Variants in METTL25 observed in about 807,000 individuals in gnomAD.
METTL25 encodes the protein probable methyltransferase-like protein 25.
Under a neutral mutation model 71.6 loss-of-function variants are expected in METTL25, and 64 were observed. The observed-to-expected ratio is 0.89, with a 90% CI of 0.73 to 1.10. METTL25 has a LOEUF of 1.10. Ranked by LOEUF, METTL25 falls within the 50% of genes least tolerant of loss-of-function variation. METTL25 has a pLI of 0.00. For synonymous variants in METTL25, 287 were observed against 250.3 expected (o/e 1.15, Z -1.38); for missense variants, 807 against 707.0 (o/e 1.14, Z -1.60).
chr12:82,402,999 G>T lies in METTL25; in HGVS notation c.1148G>T (p.Gly383Val). 1 of 1,604,358 alleles carries T rather than the reference G, an allele frequency of 6.2e-7. No homozygotes were observed. Among genetic ancestry groups the T allele is most frequent in the Non-Finnish European group, 8.5e-7 (1 of 1,175,810 alleles). ...IKDLEDCLMV[G>V]LHTCGDLAPN... Reference sequence around the variant, plus strand: ...ATTTTAAAGGATTGTTTGATGGTGGGTCTCCACACTTGTGGTGATCTGGCT... The same window carrying T: ...ATTTTAAAGGATTGTTTGATGGTGGTTCTCCACACTTGTGGTGATCTGGCT... Residue 383 changes from glycine (G) to valine (V), a missense_variant, in exon 5 of 12, where the codon GGT becomes GTT. Transcript: ENST00000248306.
At chr12:82,441,804 G>GAAACACACAC (rs1301205342) in intron 8 of METTL25, among the ~76,000 whole-genome samples, 1 of 6,710 alleles carries the variant, frequency 1.5e-4, no homozygotes, top group Admixed American at 1.8e-3. Flanking sequence ...AAAAAAAATA[G>GAAACACACAC]AAACACACAC....
intron 11 of METTL25, among the ~76,000 whole-genome samples, chr12:82,477,911 TTTAAA>T (rs1224559022): frequency 2.6e-5 from 4 of 151,822 alleles, no homozygotes; most frequent in Non-Finnish European, 5.9e-5. Context: ...TGGTGAACTG[TTTAAA>T]TTAAACCCAT....
chr12:82,404,134 AAATTAT>A (rs1310908209), intron 5 of METTL25, among the ~76,000 whole-genome samples: 45 of 152,142 alleles, frequency 3.0e-4, no homozygotes, highest in African/African-American at 9.4e-4. Context: ...ATAGTTAATT[AAATTAT>A]AATTATTTTA....
rs908547308 is a variant in METTL25, at chr12:82,359,059, G to A, written c.259+235G>A. The A allele has an allele frequency of 1.3e-5, 8 of 595,632 alleles. No individual in the cohort carries two copies. In the East Asian group the frequency reaches 2.0e-4, roughly 15 times the overall value. 36.9% of individuals were successfully genotyped at this position (595,632 alleles called of 1,614,324 possible). ...GTATGTCCACAATTTAAAGAAAGCA[G>A]GAAACAGGGCAGGGGAGTTCCTTCA... On this transcript the variant is annotated intron_variant, in intron 1 of 11. Transcript: ENST00000248306.
chr12:82,398,457 C>T (rs1371197757), intron 3 of METTL25, among the ~76,000 whole-genome samples: 2 of 151,968 alleles, frequency 1.3e-5, no homozygotes, highest in South Asian at 4.1e-4. Flanking sequence ...TGCCCTGACA[C>T]ATTGCTAAAT....
intron 3 of METTL25, among the ~76,000 whole-genome samples, chr12:82,393,369 GA>G (rs1244095369): frequency 2.6e-5 from 4 of 151,604 alleles, no homozygotes; most frequent in Admixed American, 6.6e-5. Flanking sequence ...TATTCCTAGG[GA>G]TCTTATTTTG....
intron 1 of METTL25, among the ~76,000 whole-genome samples, chr12:82,359,488 A>G (rs1407054048): frequency 3.9e-5 from 6 of 152,226 alleles, no homozygotes; most frequent in African/African-American, 9.6e-5. Context: ...TTTAGGCAAC[A>G]TAGTGACCTA....
intron 5 of METTL25, among the ~76,000 whole-genome samples, chr12:82,413,185 C>A (rs958607890): frequency 6.6e-6 from 1 of 151,726 alleles, no homozygotes; most frequent in African/African-American, 2.4e-5. Context: ...AACCATGAAA[C>A]TAAAATGAAG....
rs1424925148 is a variant in METTL25, at chr12:82,399,054, A to G, written c.791A>G (p.Asn264Ser). 1.2e-6 allele frequency: 2 copies of G among 1,613,004 alleles called. No homozygotes were observed. The highest frequency in any genetic ancestry group is 1.7e-6 in the Non-Finnish European group (2 of 1,179,352). Residue 264 changes from asparagine (N) to serine (S), a missense_variant, in exon 4 of 12, where the codon AAC becomes AGC. By Grantham distance (46) the Asn-to-Ser change is conservative. Coordinates refer to ENST00000248306, the MANE Select transcript of METTL25 (RefSeq NM_032230.3). Reference sequence around the variant, plus strand: ...GCTGATACTGAGGAAGTGTTTAACAACAGTCCTACAAATCAAGAAAAGATG... The same window carrying G: ...GCTGATACTGAGGAAGTGTTTAACAGCAGTCCTACAAATCAAGAAAAGATG... Reference protein sequence around the residue: ...NKADTEEVFNNSPTNQEKMPT... With the variant: ...NKADTEEVFNSSPTNQEKMPT...
intron 5 of METTL25, among the ~76,000 whole-genome samples, chr12:82,415,353 A>C (rs1887885294): frequency 6.6e-6 from 1 of 152,162 alleles, no homozygotes; most frequent in South Asian, 2.1e-4. Context: ...AAATACTAGT[A>C]CATTGATCAT....
At chr12:82,385,440 T>C (rs1013155272) in intron 1 of METTL25, among the ~76,000 whole-genome samples, 1 of 152,156 alleles carries the variant, frequency 6.6e-6, no homozygotes, top group Non-Finnish European at 1.5e-5. Flanking sequence ...GCAGCATGGT[T>C]TCATGAGGTG....
At chr12:82,433,706 A>G (rs571804284) in intron 6 of METTL25, among the ~76,000 whole-genome samples, 5 of 151,698 alleles carry the variant, frequency 3.3e-5, no homozygotes, top group Admixed American at 2.6e-4. Context: ...TCTTATACTT[A>G]TGAAAAGATA....
chr12:82,477,125 C>A (rs1275831865), intron 10 of METTL25, among the ~76,000 whole-genome samples, 156 bp from the exon 11 acceptor site: 2 of 151,736 alleles, frequency 1.3e-5, no homozygotes, highest in Non-Finnish European at 3.0e-5. Flanking sequence ...CTTTTGATCT[C>A]TGAAATATTC....
intron 1 of METTL25, among the ~76,000 whole-genome samples, chr12:82,359,662 A>C (rs761695857): frequency 4.6e-5 from 7 of 152,110 alleles, no homozygotes; most frequent in Admixed American, 1.3e-4. Context: ...AAACTATTTT[A>C]AAGTACCTAA....
chr12:82,431,008 G>T, intron 6 of METTL25, 21 bp downstream of exon 6: 1 of 1,472,220 alleles, frequency 6.8e-7, no homozygotes, highest in Non-Finnish European at 9.4e-7. Context: ...ATTTTTTCCT[G>T]GAGTAACAGC....
intron 10 of METTL25, 106 bp from the exon 11 acceptor site, chr12:82,477,175 A>G (rs1308438304): frequency 1.3e-5 from 7 of 542,412 alleles, no homozygotes; most frequent in South Asian, 3.2e-5. Context: ...GATTCAGCCT[A>G]TATAAACTTC....
chr12:82,437,585 C>T (rs774641044), intron 7 of METTL25, among the ~76,000 whole-genome samples: 4 of 151,346 alleles, frequency 2.6e-5, no homozygotes, highest in Admixed American at 1.3e-4. Context: ...TGCCTGAGCA[C>T]GAAAAATTTA....
intron 6 of METTL25, among the ~76,000 whole-genome samples, chr12:82,431,216 G>A (rs1889474924): frequency 1.3e-5 from 2 of 151,216 alleles, no homozygotes; most frequent in Non-Finnish European, 1.5e-5. Context: ...AAAATATAAT[G>A]TAAAGTGTTC....
chr12:82,379,879 G>A (rs1884256333), intron 1 of METTL25, among the ~76,000 whole-genome samples: 1 of 152,128 alleles, frequency 6.6e-6, no homozygotes, highest in South Asian at 2.1e-4. Context: ...TGGAGATCTT[G>A]CACTCAGGTT....
Sources: allele counts gnomAD v4.1 joint callset (sites outside exome capture counted in the v4.1 genomes callset), GRCh38; gene constraint gnomAD v4.1.1; transcripts MANE v1.5; gene names NCBI Gene and HGNC (gene_info 2026-07-23, HGNC 2026-07-21).